DCAF8L2: variants seen among roughly 807,000 people sequenced by gnomAD.
DCAF8L2 encodes DDB1 and CUL4 associated factor 8 like 2, also known as DDB1- and CUL4-associated factor 8-like protein 2.
For synonymous variants in DCAF8L2, 200 were observed against 190.9 expected, an observed-to-expected ratio of 1.05 and a Z score of -0.39; for missense variants, 430 against 490.7, an observed-to-expected ratio of 0.88 and a Z score of 1.17.
At chrX:27,536,460 G>A in the DCAF8L2 span, among the ~76,000 whole-genome samples, 1 of 112,048 alleles carries the variant, frequency 8.9e-6, no homozygotes, top group Non-Finnish European at 1.9e-5. Context: ...CCTCTAAGGA[G>A]GATATGGTAT....
intron 1 of DCAF8L2, among the ~76,000 whole-genome samples, chrX:27,594,685 T>A (rs1157572561): frequency 8.9e-6 from 1 of 111,747 alleles, no homozygotes; most frequent in Non-Finnish European, 1.9e-5. Flanking sequence ...TTCTAAATAG[T>A]CATATTTACT....
chrX:27,619,732 G>C (rs1313741684), intron 1 of DCAF8L2, among the ~76,000 whole-genome samples: 1 of 111,295 alleles, frequency 9.0e-6, no homozygotes, highest in Non-Finnish European at 1.9e-5. Flanking sequence ...TTCACTAGTA[G>C]CCTATTCAAA....
chrX:27,547,157 A>T, the DCAF8L2 span, among the ~76,000 whole-genome samples: 1 of 112,056 alleles, frequency 8.9e-6, no homozygotes, highest in Non-Finnish European at 1.9e-5. Flanking sequence ...GCTAAAACAC[A>T]GCAAGAGTCA....
the DCAF8L2 span, among the ~76,000 whole-genome samples, chrX:27,575,357 G>C: frequency 9.0e-6 from 1 of 111,606 alleles, no homozygotes; most frequent in African/African-American, 3.3e-5. Context: ...CCCAGGATGG[G>C]GGTGTGGAGG....
chrX:27,748,883 G>A lies in DCAF8L2; in HGVS notation c.*92G>A. 9.8e-7 allele frequency: 1 copy of A among 1,024,991 alleles called. No individual in the cohort carries two copies. Among genetic ancestry groups the A allele is most frequent in the South Asian group, 2.9e-5 (1 of 35,040 alleles). 84.5% of individuals were successfully genotyped at this position (1,024,991 alleles called of 1,213,427 possible). ...ATTTAGAATTGTCAATAGATTAATA[G>A]ATTTGCTTTTTGTCTTCTATTTTCC... is the stretch of plus-strand genomic sequence containing the variant. On this transcript the variant is annotated 3_prime_UTR_variant, in exon 5 of 5. Coordinates refer to ENST00000451261, the MANE Select transcript of DCAF8L2 (RefSeq NM_001353450.2).
At chrX:27,684,248 A>C (rs1189466320) in intron 3 of DCAF8L2, among the ~76,000 whole-genome samples, 1 of 111,506 alleles carries the variant, frequency 9.0e-6, no homozygotes, top group African/African-American at 3.3e-5. Context: ...CACAGCTGTC[A>C]TTAGGAAACA....
At chrX:27,517,015 T>G in the DCAF8L2 span, among the ~76,000 whole-genome samples, 3 of 111,524 alleles carry the variant, frequency 2.7e-5, no homozygotes, top group East Asian at 5.6e-4. Context: ...TCCAAACCTC[T>G]GTGAAATGGT....
the DCAF8L2 span, among the ~76,000 whole-genome samples, chrX:27,476,118 A>C: frequency 9.0e-6 from 1 of 110,851 alleles, no homozygotes; most frequent in Admixed American, 9.7e-5. Flanking sequence ...TATAAAGGGG[A>C]CAAGAGGAGA....
the DCAF8L2 span, among the ~76,000 whole-genome samples, chrX:27,529,184 A>T: frequency 5.5e-4 from 61 of 111,380 alleles, 2 homozygotes; most frequent in Admixed American, 5.5e-3. Context: ...AATAAACTTT[A>T]TTTTCTTCCA....
chrX:27,519,907 T>A, the DCAF8L2 span: 1 of 253,439 alleles, frequency 3.9e-6, no homozygotes, highest in East Asian at 6.5e-5. Context: ...TTTTTTGAAA[T>A]ATTAAATTGG....
the DCAF8L2 span, among the ~76,000 whole-genome samples, chrX:27,514,956 G>C: frequency 6.3e-5 from 7 of 111,046 alleles, no homozygotes; most frequent in African/African-American, 2.3e-4. Context: ...AGAATATTCT[G>C]GTGTTCTATT....
At chrX:27,671,817 A>G (rs1249684632) in intron 2 of DCAF8L2, among the ~76,000 whole-genome samples, 3 of 112,175 alleles carry the variant, frequency 2.7e-5, no homozygotes, top group African/African-American at 9.7e-5. Flanking sequence ...TCTAACTGAA[A>G]TACACAATTA....
the DCAF8L2 span, among the ~76,000 whole-genome samples, chrX:27,551,416 G>GT: frequency 3.6e-5 from 4 of 110,466 alleles, no homozygotes; most frequent in East Asian, 2.9e-4. Flanking sequence ...TGAAGTATGT[G>GT]TTTTTTTAGA....
chrX:27,642,948 T>G (rs1400734036), intron 2 of DCAF8L2, among the ~76,000 whole-genome samples: 1 of 111,654 alleles, frequency 9.0e-6, no homozygotes, highest in Non-Finnish European at 1.9e-5. Context: ...GGTTTTTAAG[T>G]CAAGAGATGT....
At chrX:27,519,094 C>T in the DCAF8L2 span, 1 of 1,069,068 alleles carries the variant, frequency 9.4e-7, no homozygotes, top group East Asian at 3.0e-5. Context: ...GGAGGGGAAA[C>T]ATCAGAAGCA....
the DCAF8L2 span, among the ~76,000 whole-genome samples, chrX:27,579,615 T>TACACACACAC: frequency 0.032 from 2,809 of 87,864 alleles, 61 homozygotes; most frequent in African/African-American, 0.052. Context: ...TTCAGAGAAA[T>TACACACACAC]ACACACACAC....
the DCAF8L2 span, chrX:27,518,477 A>C: frequency 2.2e-6 from 1 of 446,610 alleles, no homozygotes. Context: ...GTGGTGGCTC[A>C]TGCCTGTAAT....
intron 4 of DCAF8L2, among the ~76,000 whole-genome samples, chrX:27,731,759 T>C (rs1921219972): frequency 9.0e-6 from 1 of 111,566 alleles, no homozygotes. Context: ...TACATAGTGC[T>C]CACTATGTAC....
At chrX:27,604,480 C>T (rs1480498422) in intron 1 of DCAF8L2, among the ~76,000 whole-genome samples, 4 of 111,214 alleles carry the variant, frequency 3.6e-5, no homozygotes, top group Non-Finnish European at 7.5e-5. Context: ...AGGATGCAGA[C>T]CACACATTAC....
Sources: gnomAD v4.1 joint callset for allele counts (sites outside exome capture counted in the v4.1 genomes callset) on GRCh38, gnomAD v4.1.1 for gene constraint, MANE v1.5 for transcripts, NCBI Gene and HGNC (gene_info 2026-07-23, HGNC 2026-07-21) for gene names.